BRWD3: variants seen among roughly 807,000 people sequenced by gnomAD.
BRWD3 encodes the protein bromodomain and WD repeat-containing protein 3.
A neutral mutation model predicts 149.7 loss-of-function variants in BRWD3; 10 were observed. The observed-to-expected ratio is 0.07, with a 90% CI of 0.04 to 0.11. The LOEUF (loss-of-function observed/expected upper bound fraction) is 0.11, where lower values mean the gene tolerates loss of function less well. BRWD3 is among the 10% of genes least tolerant of loss of function. The pLI is 1.00. For missense variants in BRWD3, 940 were observed against 1,373.2 expected, an observed-to-expected ratio of 0.68 and a Z score of 4.99; for synonymous variants, 504 against 456.7, an observed-to-expected ratio of 1.10 and a Z score of -1.32.
rs1383714590 is a variant in BRWD3, at chrX:80,809,764, AG to A, written c.-294del. ...AGAGAGAGAGAGAGAGGAAAAAGAGAGAGAGAGAGAGAGAGAGAGAGAGAGA... is the reference window on the plus strand; with the variant it reads ...AGAGAGAGAGAGAGAGGAAAAAGAGAAGAGAGAGAGAGAGAGAGAGAGAGA... On this transcript the variant is annotated 5_prime_UTR_variant, in exon 1 of 41. Coordinates refer to ENST00000373275, the MANE Select transcript of BRWD3 (RefSeq NM_153252.5). 145 of 61,873 alleles carry A rather than the reference AG, an allele frequency of 2.3e-3. 1 individual carries two copies. Among genetic ancestry groups the A allele is most frequent in the African/African-American group, 0.015 (138 of 9,110 alleles). 5.1% of individuals were successfully genotyped at this position (61,873 alleles called of 1,213,427 possible). A position where few individuals can be genotyped will look rare whatever the true frequency, so the allele number is the denominator to read the frequency against.
intron 25 of BRWD3, among the ~76,000 whole-genome samples, chrX:80,697,495 C>A (rs2072717712): frequency 9.0e-6 from 1 of 110,878 alleles, no homozygotes; most frequent in Admixed American, 9.6e-5. Context: ...CCTTTGGAGT[C>A]CCCAATGTCT....
chrX:80,690,933 G>C, intron 31 of BRWD3, 120 bp downstream of exon 31: 1 of 855,752 alleles, frequency 1.2e-6, no homozygotes, highest in South Asian at 2.5e-5. Flanking sequence ...ATTTTTAAAG[G>C]AAATTTTGGT....
In BRWD3 at chrX:80,672,658, T is replaced by G. The variant is rs1239609721; in HGVS notation, c.*3951A>C. 8.9e-6 allele frequency: 1 copy of G among 112,006 alleles called. No individual in the cohort carries two copies. The allele number at this position is 112,006 out of a possible 1,213,427, so 9.2% of individuals were successfully genotyped here. A position where few individuals can be genotyped will look rare whatever the true frequency, so the allele number is the denominator to read the frequency against. On this transcript the variant is annotated 3_prime_UTR_variant, in exon 41 of 41. Coordinates refer to ENST00000373275, the MANE Select transcript of BRWD3 (RefSeq NM_153252.5). ...CCATAAAAGTGACTTTAGAATATTC[T>G]ATTTCTGATAAACCTTTCATAAAGC... is the stretch of plus-strand genomic sequence containing the variant.
intron 34 of BRWD3, 68 bp downstream of exon 34, chrX:80,688,001 G>A: frequency 1.3e-6 from 1 of 793,589 alleles, no homozygotes; most frequent in Middle Eastern, 2.8e-4. Context: ...ATATGGGGTT[G>A]GTCTTAGGGA....
chrX:80,756,447 A>G (rs1465108305), intron 6 of BRWD3, among the ~76,000 whole-genome samples: 2 of 92,725 alleles, frequency 2.2e-5, no homozygotes, highest in East Asian at 7.9e-4. Context: ...GGTAGCAGTG[A>G]GCCGAGATCG....
At chrX:80,710,448 A>C in intron 20 of BRWD3, 1 of 348,309 alleles carries the variant, frequency 2.9e-6, no homozygotes, top group Non-Finnish European at 5.4e-6. Flanking sequence ...ATATGTCTAA[A>C]TTTATGGAAT....
intron 8 of BRWD3, among the ~76,000 whole-genome samples, 199 bp from the exon 9 acceptor site, chrX:80,736,287 T>C (rs1480313300): frequency 9.0e-6 from 1 of 111,663 alleles, no homozygotes; most frequent in Non-Finnish European, 1.9e-5. Context: ...AAAAAAACTA[T>C]AGGAAAAGTA....
intron 6 of BRWD3, among the ~76,000 whole-genome samples, chrX:80,773,097 C>T (rs1374545163): frequency 9.0e-6 from 1 of 111,712 alleles, no homozygotes; most frequent in Non-Finnish European, 1.9e-5. Flanking sequence ...GGAGGGAAGC[C>T]GATGTGGTTA....
At chrX:80,693,839 G>T (rs73502700) in intron 27 of BRWD3, among the ~76,000 whole-genome samples, 7,669 of 111,733 alleles carry the variant, frequency 0.069, 533 homozygotes, top group African/African-American at 0.21. Flanking sequence ...GAGCATTAAA[G>T]TTCAGAACTT....
chrX:80,767,731 G>C (rs1217594434), intron 6 of BRWD3, among the ~76,000 whole-genome samples: 1 of 112,221 alleles, frequency 8.9e-6, no homozygotes, highest in Non-Finnish European at 1.9e-5. Context: ...GAATGACTTT[G>C]ACAAGCTGAC....
chrX:80,725,099 C>A (rs768966291), intron 14 of BRWD3, 32 bp from the exon 15 acceptor site: 1 of 1,196,341 alleles, frequency 8.4e-7, no homozygotes, highest in South Asian at 1.8e-5. Flanking sequence ...ACAATGAAAG[C>A]AACACGAAAT....
In BRWD3 at chrX:80,719,662, T is replaced by G; in HGVS notation, c.1877-6A>C. 1 of 1,209,168 alleles carries G rather than the reference T, an allele frequency of 8.3e-7. No homozygotes were observed. The highest frequency in any genetic ancestry group is 1.8e-5 in the South Asian group (1 of 56,960). On this transcript the variant is annotated splice_region_variant and splice_polypyrimidine_tract_variant and intron_variant, in intron 17 of 40. Transcript: ENST00000373275. ...TTCTACTACCTCACCATCACCTTAA[T>G]AAGACCAGATACAAAGCCACAAAAT...
At chrX:80,757,805 C>T (rs751829058) in intron 6 of BRWD3, among the ~76,000 whole-genome samples, 1 of 112,440 alleles carries the variant, frequency 8.9e-6, no homozygotes, top group Admixed American at 9.4e-5. Flanking sequence ...GATCAATAAA[C>T]AGCCATCAAT....
intron 20 of BRWD3, chrX:80,710,028 T>C (rs1187561809): frequency 1.9e-5 from 22 of 1,144,326 alleles, no homozygotes; most frequent in Non-Finnish European, 2.5e-5. Context: ...ACAGTTGGTC[T>C]GAAATCAAAA....
At chrX:80,753,467 T>C (rs953191038) in intron 6 of BRWD3, among the ~76,000 whole-genome samples, 1 of 110,022 alleles carries the variant, frequency 9.1e-6, no homozygotes, top group African/African-American at 3.3e-5. Context: ...GACAGGCTTT[T>C]GCCATGTTGG....
At chrX:80,703,625 T>C (rs781291452) in intron 23 of BRWD3, 32 bp from the exon 24 acceptor site, 5 of 997,113 alleles carry the variant, frequency 5.0e-6, no homozygotes, top group Non-Finnish European at 7.0e-6. Flanking sequence ...AGTATATGTA[T>C]AAAACACAGT....
chrX:80,752,038 G>A (rs767961642), intron 6 of BRWD3, among the ~76,000 whole-genome samples: 108 of 99,380 alleles, frequency 1.1e-3, no homozygotes, highest in African/African-American at 3.9e-3. Flanking sequence ...TTTTAAACAC[G>A]ATCTTGCTTT....
chrX:80,725,825 CATAACAT>C (rs1569262495), intron 14 of BRWD3, among the ~76,000 whole-genome samples: 93 of 62,622 alleles, frequency 1.5e-3, no homozygotes, highest in East Asian at 1.9e-3. Context: ...GCCTATATAA[CATAACAT>C]GTTTACATGT....
intron 4 of BRWD3, among the ~76,000 whole-genome samples, chrX:80,806,706 C>T (rs181866914): frequency 1.1e-3 from 119 of 112,219 alleles, no homozygotes; most frequent in Admixed American, 2.2e-3. Context: ...CAAATCATAT[C>T]GTACCTTAAA....
Sources: gnomAD v4.1 joint callset for allele counts (sites outside exome capture counted in the v4.1 genomes callset) on GRCh38, gnomAD v4.1.1 for gene constraint, MANE v1.5 for transcripts, NCBI Gene and HGNC (gene_info 2026-07-23, HGNC 2026-07-21) for gene names.